DSCAM: variants seen among roughly 807,000 people sequenced by gnomAD.
The protein encoded by DSCAM is cell adhesion molecule DSCAM.
DSCAM carries 47 observed loss-of-function variants against 217.7 expected under a neutral mutation model. That is an observed-to-expected ratio of 0.22 (90% CI 0.17 to 0.28). DSCAM has a LOEUF of 0.28. Among genes scored for constraint, DSCAM ranks in the 10% least tolerant of loss-of-function variants. The pLI, the probability that DSCAM is intolerant of heterozygous loss-of-function variation, is 1.00. For synonymous variants in DSCAM, 1,056 were observed against 1,015.3 expected (o/e 1.04, Z -0.76); for missense variants, 2,080 against 2,618.3 (o/e 0.79, Z 4.49).
chr21:40,122,493 A>G (rs2837434), intron 20 of DSCAM, among the ~76,000 whole-genome samples: 14,957 of 152,208 alleles, frequency 0.098, 1,028 homozygotes, highest in East Asian at 0.29. Context: ...ACTTTATTTC[A>G]GCAATAATTT....
chr21:40,512,010 A>AAAAAAAAAT (rs61560593), intron 3 of DSCAM, among the ~76,000 whole-genome samples: 1,733 of 106,332 alleles, frequency 0.016, 331 homozygotes, highest in African/African-American at 0.047. Flanking sequence ...AAAAAAAAAA[A>AAAAAAAAAT]GTATTCTATT....
At chr21:40,491,664 A>G (rs1208726039) in intron 3 of DSCAM, among the ~76,000 whole-genome samples, 1 of 151,936 alleles carries the variant, frequency 6.6e-6, no homozygotes, top group Non-Finnish European at 1.5e-5. Context: ...AATTCATTCA[A>G]CCCAGGCACA....
At chr21:40,717,559 C>T (rs1014488186) in intron 1 of DSCAM, among the ~76,000 whole-genome samples, 3 of 152,190 alleles carry the variant, frequency 2.0e-5, no homozygotes, top group African/African-American at 7.2e-5. Context: ...ATTACAGCCA[C>T]AAAAGGCCAC....
intron 11 of DSCAM, among the ~76,000 whole-genome samples, chr21:40,256,387 GGAGA>G (rs1161035798): frequency 6.7e-6 from 1 of 148,928 alleles, no homozygotes; most frequent in Non-Finnish European, 1.5e-5. Flanking sequence ...AGAACCAATA[GGAGA>G]GAGAGAGACA....
chr21:40,178,813 T>C, intron 15 of DSCAM, 114 bp downstream of exon 15: 4 of 1,327,468 alleles, frequency 3.0e-6, no homozygotes, highest in Non-Finnish European at 3.1e-6. Context: ...AGAGCACGCA[T>C]CAAAGACCTC....
chr21:40,765,940 T>C (rs191448331), intron 1 of DSCAM, among the ~76,000 whole-genome samples: 51 of 152,326 alleles, frequency 3.3e-4, no homozygotes, highest in African/African-American at 1.2e-3. Context: ...GTGCTGCTGA[T>C]GGGAATGGCA....
At chr21:40,193,812 C>G (rs1485493239) in intron 11 of DSCAM, among the ~76,000 whole-genome samples, 3 of 152,190 alleles carry the variant, frequency 2.0e-5, no homozygotes, top group Non-Finnish European at 4.4e-5. Flanking sequence ...TCACCATCAT[C>G]ACCTCCCAAA....
chr21:40,374,541 T>C (rs543384255), intron 3 of DSCAM, among the ~76,000 whole-genome samples: 22 of 152,294 alleles, frequency 1.4e-4, no homozygotes, highest in Non-Finnish European at 8.8e-5. Flanking sequence ...TTGGTAAACA[T>C]AGAAAGATAT....
chr21:40,166,522 C>T (rs2090596549), intron 16 of DSCAM, among the ~76,000 whole-genome samples: 1 of 152,212 alleles, frequency 6.6e-6, no homozygotes, highest in Admixed American at 6.5e-5. Context: ...TGGTGATGAG[C>T]TTGCTCCAGA....
chr21:40,603,925 C>CTTTTTTTTTTTTT (rs3070814), intron 3 of DSCAM, among the ~76,000 whole-genome samples: 7 of 97,298 alleles, frequency 7.2e-5, no homozygotes, highest in East Asian at 2.9e-4. Context: ...TTTTGCATTT[C>CTTTTTTTTTTTTT]TTTTTTTTTT....
At chr21:40,174,658 G>A (rs928115104) in intron 15 of DSCAM, among the ~76,000 whole-genome samples, 4 of 152,102 alleles carry the variant, frequency 2.6e-5, no homozygotes, top group African/African-American at 9.7e-5. Flanking sequence ...CTCACTGAGG[G>A]GGTATGGTCA....
At chr21:40,566,890 C>T (rs769558208) in intron 3 of DSCAM, among the ~76,000 whole-genome samples, 1 of 152,086 alleles carries the variant, frequency 6.6e-6, no homozygotes, top group Non-Finnish European at 1.5e-5. Flanking sequence ...TTCATTGGCC[C>T]TCTGTGAGAC....
At chr21:40,587,091 A>T (rs999647388) in intron 3 of DSCAM, among the ~76,000 whole-genome samples, 4 of 117,310 alleles carry the variant, frequency 3.4e-5, no homozygotes, top group Admixed American at 9.7e-5. Flanking sequence ...ATCAACAAAC[A>T]TACAAAAAAG....
chr21:40,042,862 G>A (rs540216258), intron 31 of DSCAM, among the ~76,000 whole-genome samples, 189 bp from the exon 32 acceptor site: 14 of 152,316 alleles, frequency 9.2e-5, no homozygotes, highest in Admixed American at 4.6e-4. Flanking sequence ...CAGCAGATCC[G>A]GTTAAGGGAA....
chr21:40,775,255 A>C (rs1163206892), intron 1 of DSCAM, among the ~76,000 whole-genome samples: 1 of 152,160 alleles, frequency 6.6e-6, no homozygotes, highest in Non-Finnish European at 1.5e-5. Context: ...AGCATGGTTT[A>C]AGGCGAGGAA....
intron 14 of DSCAM, among the ~76,000 whole-genome samples, chr21:40,185,468 G>A (rs2090883723): frequency 6.6e-6 from 1 of 152,112 alleles, no homozygotes; most frequent in African/African-American, 2.4e-5. Context: ...GGCAATGCCC[G>A]CTCCTCCATG....
At chr21:40,843,671 G>A (rs2092121031) in intron 1 of DSCAM, among the ~76,000 whole-genome samples, 1 of 151,896 alleles carries the variant, frequency 6.6e-6, no homozygotes, top group Non-Finnish European at 1.5e-5. Context: ...AGAAGCTCGC[G>A]TGTATTTCCA....
intron 1 of DSCAM, among the ~76,000 whole-genome samples, chr21:40,808,452 G>T (rs6517618): frequency 3.3e-4 from 50 of 150,490 alleles, no homozygotes; most frequent in Non-Finnish European, 6.3e-4. Context: ...TTCTAAGTAG[G>T]CCTTGGGTTA....
intron 32 of DSCAM, among the ~76,000 whole-genome samples, chr21:40,032,168 G>A (rs550288284): frequency 2.0e-5 from 3 of 152,152 alleles, no homozygotes; most frequent in South Asian, 2.1e-4. Flanking sequence ...TGCTTCAGGT[G>A]GTCCCCAATG....
Sources: allele counts gnomAD v4.1 joint callset (sites outside exome capture counted in the v4.1 genomes callset), GRCh38; gene constraint gnomAD v4.1.1; transcripts MANE v1.5; gene names NCBI Gene and HGNC (gene_info 2026-07-23, HGNC 2026-07-21).